Variants in TULP4 observed in about 807,000 individuals in gnomAD.
TULP4 encodes the protein tubby-related protein 4.
TULP4 carries 16 observed loss-of-function variants against 129.0 expected under a neutral mutation model. That is an observed-to-expected ratio of 0.12 (90% confidence interval 0.08 to 0.19). The LOEUF (loss-of-function observed/expected upper bound fraction) is 0.19. Ranked by LOEUF, TULP4 falls within the 10% of genes least tolerant of loss-of-function variation. TULP4 has a pLI of 1.00. For synonymous variants in TULP4, 998 were observed against 854.0 expected (o/e 1.17, Z -2.94); for missense variants, 1,842 against 2,059.1 (o/e 0.89, Z 2.04).
intron 1 of TULP4, among the ~76,000 whole-genome samples, chr6:158,259,145 G>A (rs191247354): frequency 2.6e-5 from 4 of 152,346 alleles, no homozygotes; most frequent in African/African-American, 7.2e-5. Flanking sequence ...CAGGATAATC[G>A]CTTGAACCCG....
chr6:158,317,580 G>A lies in TULP4; in HGVS notation c.252+3312G>A, dbSNP rs1439621068. ...CCAGTCTATCACTGATGGACATTTC[G>A]GTTGGTTCCAAGTTTTTGCTATTGT... On this transcript the variant is annotated intron_variant, in intron 1 of 13. Transcript: ENST00000367097. 7.9e-5 allele frequency among the ~76,000 whole-genome samples: 12 copies of A among 152,172 alleles called. No individual in the cohort carries two copies. In the East Asian group the frequency reaches 9.7e-4, roughly 12 times the overall value.
At chr6:158,384,095 C>T (rs1562543943) in intron 1 of TULP4, among the ~76,000 whole-genome samples, 1 of 152,096 alleles carries the variant, frequency 6.6e-6, no homozygotes, top group Non-Finnish European at 1.5e-5. Context: ...TCTGTGAGCT[C>T]TTTCTTAGCC....
upstream of TULP4, among the ~76,000 whole-genome samples, chr6:158,278,073 C>A (rs117037196): frequency 2.7e-3 from 415 of 152,326 alleles, 9 homozygotes; most frequent in East Asian, 0.059. Flanking sequence ...TGTGGACTCC[C>A]TTCCTCTTGT....
chr6:158,304,703 G>A (rs1187350632), intron 1 of TULP4, among the ~76,000 whole-genome samples: 1 of 148,336 alleles, frequency 6.7e-6, no homozygotes, highest in Admixed American at 6.8e-5. Flanking sequence ...GTCTCACTCT[G>A]TCACCCAGGC....
chr6:158,339,775 T>G (rs1780137255), intron 1 of TULP4, among the ~76,000 whole-genome samples: 1 of 152,188 alleles, frequency 6.6e-6, no homozygotes, highest in Non-Finnish European at 1.5e-5. Context: ...TGCCCAGATT[T>G]CATATTGTTC....
chr6:158,238,698 A>T (rs1777775434), intron 1 of TULP4, among the ~76,000 whole-genome samples: 1 of 94,842 alleles, frequency 1.1e-5, no homozygotes, highest in East Asian at 2.8e-4. Context: ...AATCCATTTA[A>T]CCCTGAGTGG....
At chr6:158,374,622 C>G (rs955731359) in intron 1 of TULP4, among the ~76,000 whole-genome samples, 29 of 152,190 alleles carry the variant, frequency 1.9e-4, no homozygotes, top group Admixed American at 7.9e-4. Context: ...TTCTTAAAGT[C>G]TTAGAAGTGG....
intron 1 of TULP4, among the ~76,000 whole-genome samples, chr6:158,306,968 C>T (rs1418443707): frequency 6.6e-6 from 1 of 152,108 alleles, no homozygotes; most frequent in Non-Finnish European, 1.5e-5. Flanking sequence ...CTGCAGTGAG[C>T]TGTGATCACA....
At chr6:158,239,669 C>A (rs1476814742) in intron 1 of TULP4, among the ~76,000 whole-genome samples, 7 of 63,510 alleles carry the variant, frequency 1.1e-4, no homozygotes, top group African/African-American at 2.1e-4. Context: ...CCGGACCGGG[C>A]GGCTGGCCGG....
chr6:158,510,637 T>A lies in TULP4; in HGVS notation c.*3943T>A, dbSNP rs1438281420. 6.6e-6 allele frequency: 1 copy of A among 152,244 alleles called. No individual in the cohort carries two copies. Among genetic ancestry groups the A allele is most frequent in the East Asian group, 1.9e-4 (1 of 5,200 alleles). 9.4% of individuals were successfully genotyped at this position (152,244 alleles called of 1,614,324 possible). ...TTTAAAGTAATATCTTTTGTGCACCTCTAAATGTGTTTGGAATTGTGTTTG... is the reference window on the plus strand; with the variant it reads ...TTTAAAGTAATATCTTTTGTGCACCACTAAATGTGTTTGGAATTGTGTTTG... On this transcript the variant is annotated 3_prime_UTR_variant, in exon 14 of 14. Transcript: ENST00000367097.
At chr6:158,432,722 A>G (rs919603009) in intron 3 of TULP4, among the ~76,000 whole-genome samples, 1 of 152,242 alleles carries the variant, frequency 6.6e-6, no homozygotes, top group African/African-American at 2.4e-5. Flanking sequence ...TTAGCTGGGC[A>G]TAGTGGCATG....
chr6:158,499,457 C>G (rs1444848862), intron 12 of TULP4, among the ~76,000 whole-genome samples: 1 of 152,130 alleles, frequency 6.6e-6, no homozygotes, highest in African/African-American at 2.4e-5. Flanking sequence ...AATGTGTTTC[C>G]CAGTGGGGGG....
rs1307304082 is a variant in TULP4 at position 158,357,559 on chromosome 6, A to G, written c.252+43291A>G. ...CAGCAATTCCATTAGATGAGTAGGA[A>G]GAGAGCTGTGCTTTCTGCTGTTGTT... is the stretch of plus-strand genomic sequence containing the variant. On this transcript the variant is annotated intron_variant, in intron 1 of 13. Transcript: ENST00000367097. 4.6e-5 allele frequency among the ~76,000 whole-genome samples: 7 copies of G among 152,338 alleles called. No homozygotes were observed. In the South Asian group the frequency reaches 1.2e-3, roughly 27 times the overall value.
chr6:158,365,875 C>CTT (rs765731288), intron 1 of TULP4, among the ~76,000 whole-genome samples: 2 of 71,142 alleles, frequency 2.8e-5, no homozygotes, highest in African/African-American at 5.5e-5. Flanking sequence ...GTTCGTTTTT[C>CTT]TTTTTTTTTT....
intron 5 of TULP4, among the ~76,000 whole-genome samples, chr6:158,453,928 G>A (rs1182731604): frequency 2.0e-5 from 3 of 151,588 alleles, no homozygotes; most frequent in Non-Finnish European, 4.4e-5. Context: ...ATTCCGGCCT[G>A]GGCAACAGAG....
chr6:158,473,970 AC>A (rs1779754473), intron 6 of TULP4, among the ~76,000 whole-genome samples: 1 of 152,076 alleles, frequency 6.6e-6, no homozygotes, highest in African/African-American at 2.4e-5. Context: ...GGTGTGCACC[AC>A]CACACCCAGC....
At chr6:158,315,292 T>A (rs1779462577) in intron 1 of TULP4, among the ~76,000 whole-genome samples, 1 of 152,110 alleles carries the variant, frequency 6.6e-6, no homozygotes, top group Non-Finnish European at 1.5e-5. Context: ...GTTTTTTATT[T>A]CTTCTTGGTG....
chr6:158,411,127 A>AG (rs1778090018), intron 1 of TULP4, among the ~76,000 whole-genome samples: 1 of 117,596 alleles, frequency 8.5e-6, no homozygotes, highest in African/African-American at 3.6e-5. Context: ...GGTAAAAGTG[A>AG]AAAAAAAAAA....
intron 1 of TULP4, among the ~76,000 whole-genome samples, chr6:158,401,829 A>G (rs936863366): frequency 7.9e-5 from 12 of 152,208 alleles, no homozygotes; most frequent in Non-Finnish European, 8.8e-5. Flanking sequence ...TCATTTTAAA[A>G]AATATATAGG....
Sources: gnomAD v4.1 joint callset for allele counts (sites outside exome capture counted in the v4.1 genomes callset) on GRCh38, gnomAD v4.1.1 for gene constraint, MANE v1.5 for transcripts, NCBI Gene and HGNC (gene_info 2026-07-23, HGNC 2026-07-21) for gene names.